Variants in ZFYVE28 observed in about 807,000 individuals in gnomAD.
ZFYVE28 encodes the protein lateral signaling target protein 2 homolog.
Under a neutral mutation model 82.1 loss-of-function variants are expected in ZFYVE28, and 40 were observed. The ratio of observed to expected loss-of-function variants is 0.49; its 90% CI spans 0.38 to 0.63. The LOEUF (loss-of-function observed/expected upper bound fraction) is 0.63, where lower values mean the gene tolerates loss of function less well. Ranked by LOEUF, ZFYVE28 falls within the 30% of genes least tolerant of loss-of-function variation. The pLI is 0.00. For synonymous variants in ZFYVE28, 612 were observed against 546.1 expected (o/e 1.12, Z -1.68); for missense variants, 1,321 against 1,242.1 (o/e 1.06, Z -0.96).
chr4:2,293,403 T>A (rs1394301876), intron 8 of ZFYVE28, among the ~76,000 whole-genome samples: 1 of 151,424 alleles, frequency 6.6e-6, no homozygotes, highest in Non-Finnish European at 1.5e-5. Flanking sequence ...GATGAAATCT[T>A]TGAAAAAACC....
At chr4:2,279,787 A>AG (rs1262436204) in intron 8 of ZFYVE28, among the ~76,000 whole-genome samples, 1 of 152,166 alleles carries the variant, frequency 6.6e-6, no homozygotes, top group African/African-American at 2.4e-5. Context: ...CAAAAAAAAA[A>AG]AAAAAAATCA....
At position 2,337,592 on chromosome 4, in the gene ZFYVE28, T is replaced by TG. The variant is rs1722044493; in HGVS notation, c.522-97dup. The stretch of plus-strand genomic sequence containing the variant: ...GCATCTTCAATTAAAGCTGCAATGC[T>TG]GGGCAAGGTGGGGGCGGGGGGCCTC... On this transcript the variant is annotated intron_variant, in intron 4 of 12. Coordinates refer to ENST00000290974, the MANE Select transcript of ZFYVE28 (RefSeq NM_020972.3). 1.1e-5 allele frequency: 9 copies of TG among 846,938 alleles called. No homozygotes were observed. The East Asian group carries it at 2.8e-4, about 26-fold the overall frequency. The allele number at this position is 846,938 out of a possible 1,614,324, so 52.5% of individuals were successfully genotyped here.
At chr4:2,399,409 G>A (rs1200919605) in intron 1 of ZFYVE28, among the ~76,000 whole-genome samples, 1 of 152,076 alleles carries the variant, frequency 6.6e-6, no homozygotes, top group Non-Finnish European at 1.5e-5. Flanking sequence ...TGCCTAGACT[G>A]TGAGAATGCC....
chr4:2,270,295 T>C lies in ZFYVE28; in HGVS notation c.*430A>G, dbSNP rs1186469551. On this transcript the variant is annotated 3_prime_UTR_variant, in exon 13 of 13. Transcript: ENST00000290974. ...GGGAGGCACATAGGGAGCCCTGCTG[T>C]GCCAAAGAGCCTGTGGAGTGGCCCT... The C allele has an allele frequency of 9.8e-6, 2 of 204,606 alleles. No homozygotes were observed. Among genetic ancestry groups the C allele is most frequent in the South Asian group, 8.1e-5 (1 of 12,356 alleles). 12.7% of individuals were successfully genotyped at this position (204,606 alleles called of 1,614,324 possible).
chr4:2,305,709 G>C (rs1242108506), intron 7 of ZFYVE28, among the ~76,000 whole-genome samples, 173 bp from the exon 8 acceptor site: 1 of 152,216 alleles, frequency 6.6e-6, no homozygotes, highest in African/African-American at 2.4e-5. Flanking sequence ...ACGGAACAAG[G>C]CTCCGGTCTC....
chr4:2,394,515 T>C lies in ZFYVE28; in HGVS notation c.39+23770A>G, dbSNP rs1217157894. ...GACCCCTAGGCTGGCTGCGTTTCTC[T>C]TCACGGGGTGGTTGACCGCATGAGA... is the stretch of plus-strand genomic sequence containing the variant. On this transcript the variant is annotated intron_variant, in intron 1 of 12. Transcript: ENST00000290974. The surrounding 1 kb of genome is among the most constrained non-coding windows in gnomAD (Gnocchi z 4.0). Among the ~76,000 whole-genome samples, 1 of 152,204 alleles carries C rather than the reference T, an allele frequency of 6.6e-6. No individual in the cohort carries two copies. The highest frequency in any genetic ancestry group is 1.5e-5 in the Non-Finnish European group (1 of 68,042).
At chr4:2,328,140 A>G (rs1204498150) in intron 6 of ZFYVE28, among the ~76,000 whole-genome samples, 2 of 152,248 alleles carry the variant, frequency 1.3e-5, no homozygotes, top group Non-Finnish European at 2.9e-5. Context: ...CACAATAGCT[A>G]AGTTATGAAA....
At chr4:2,307,764 G>A (rs902547877) in intron 7 of ZFYVE28, among the ~76,000 whole-genome samples, 9 of 152,186 alleles carry the variant, frequency 5.9e-5, no homozygotes, top group African/African-American at 2.2e-4. Flanking sequence ...AAAGTGCTGG[G>A]ATTACGGCAT....
At chr4:2,330,546 A>T in intron 6 of ZFYVE28, 1 of 1,163,912 alleles carries the variant, frequency 8.6e-7, no homozygotes, top group Admixed American at 4.3e-5. Context: ...GACAGCATGG[A>T]GGAGGGGACA....
intron 8 of ZFYVE28, among the ~76,000 whole-genome samples, chr4:2,279,888 A>G (rs1711726718): frequency 6.6e-6 from 1 of 152,092 alleles, no homozygotes; most frequent in South Asian, 2.1e-4. Context: ...GCAACAGCTG[A>G]AGGGGGAGGG....
intron 2 of ZFYVE28, among the ~76,000 whole-genome samples, chr4:2,350,186 C>T (rs1456705857): frequency 9.2e-5 from 14 of 152,088 alleles, no homozygotes; most frequent in East Asian, 7.7e-4. Flanking sequence ...TATTGTAGGC[C>T]GGGCGCAGTG....
At chr4:2,336,936 G>T (rs1288059614) in intron 5 of ZFYVE28, among the ~76,000 whole-genome samples, 7 of 149,566 alleles carry the variant, frequency 4.7e-5, no homozygotes, top group Admixed American at 3.3e-4. Context: ...TGAGTGAGGA[G>T]GTGAGGAGTG....
chr4:2,279,575 C>A (rs528971372), intron 8 of ZFYVE28, among the ~76,000 whole-genome samples: 4 of 152,092 alleles, frequency 2.6e-5, no homozygotes, highest in Non-Finnish European at 5.9e-5. Flanking sequence ...GTCAGGAGAT[C>A]GAGACCATCC....
intron 7 of ZFYVE28, among the ~76,000 whole-genome samples, chr4:2,307,912 G>A (rs1183823920): frequency 1.3e-5 from 2 of 152,106 alleles, no homozygotes; most frequent in African/African-American, 4.8e-5. Flanking sequence ...TCCTCATGTG[G>A]TCTTCTATTG....
rs770050661 is a variant in ZFYVE28 at position 2,305,222 on chromosome 4, G to C, written c.1118C>G (p.Pro373Arg). 18 of 1,610,026 alleles carry C rather than the reference G, an allele frequency of 1.1e-5. No individual in the cohort carries two copies. Among genetic ancestry groups the C allele is most frequent in the African/African-American group, 2.7e-5 (2 of 74,896 alleles). Residue 373 changes from proline (P) to arginine (R), a missense_variant, in exon 8 of 13, where the codon CCA becomes CGA. Physicochemically the swap from Pro to Arg is moderately radical, Grantham distance 103. Coordinates refer to ENST00000290974, the MANE Select transcript of ZFYVE28 (RefSeq NM_020972.3). ...CCCGCCTGGGCTGCCCTCCGCTCCT[G>C]GCCTGTGAGCTGGGGACTGGCAGGC... The part of the protein sequence containing the change: ...PIACQSPAHR[P>R]GAEGSPGGEA...
chr4:2,384,200 C>T (rs897810931), intron 1 of ZFYVE28, among the ~76,000 whole-genome samples: 5 of 152,326 alleles, frequency 3.3e-5, no homozygotes, highest in African/African-American at 4.8e-5. Flanking sequence ...CTCTCCTCCC[C>T]GGGTACTTCG....
Position 2,337,421 on chromosome 4 carries a change from G to T in ZFYVE28, c.597C>A (p.Cys199Ter). The change falls in exon 5 of 13, where the codon TGC (cysteine) becomes TGA (stop). Residue 199 changes from cysteine (C) to a stop codon, truncating the protein, a stop_gained. Transcript: ENST00000290974. LOFTEE classifies it high-confidence loss of function. ...CCTGTGCTCACCTCTCCACCGTCTC[G>T]CAGAAGAGCACGATGACCTCCTGCT... ...YVQQEVIVLF[C>*]ETVERALDFG... 6.2e-7 allele frequency: 1 copy of T among 1,607,546 alleles called. No homozygotes were observed. Among genetic ancestry groups the T allele is most frequent in the Non-Finnish European group, 8.5e-7 (1 of 1,176,624 alleles).
intron 1 of ZFYVE28, among the ~76,000 whole-genome samples, chr4:2,356,415 G>A (rs1725330095): frequency 8.2e-6 from 1 of 122,314 alleles, no homozygotes; most frequent in African/African-American, 3.1e-5. Flanking sequence ...CCCCCCGGCA[G>A]TTGGTGTGCC....
At chr4:2,352,271 G>A (rs1283216645) in intron 2 of ZFYVE28, among the ~76,000 whole-genome samples, 1 of 152,134 alleles carries the variant, frequency 6.6e-6, no homozygotes, top group East Asian at 1.9e-4. Flanking sequence ...AGGAGAAGCT[G>A]AGAGCCTCCC....
Sources: allele counts gnomAD v4.1 joint callset (sites outside exome capture counted in the v4.1 genomes callset), GRCh38; gene constraint gnomAD v4.1.1; non-coding constraint Gnocchi (gnomAD v3.1); transcripts MANE v1.5; gene names NCBI Gene and HGNC (gene_info 2026-07-23, HGNC 2026-07-21).